ARPC5L: variants seen among roughly 807,000 people sequenced by gnomAD.
ARPC5L encodes actin-related protein 2/3 complex subunit 5-like protein.
Under a neutral mutation model 16.9 loss-of-function variants are expected in ARPC5L, and 4 were observed. The ratio of observed to expected loss-of-function variants is 0.24; its 90% CI spans 0.12 to 0.54. The LOEUF is 0.54. Among genes scored for constraint, ARPC5L ranks in the 20% least tolerant of loss-of-function variants. ARPC5L has a pLI of 0.95. For synonymous variants in ARPC5L, 78 were observed against 82.6 expected, an observed-to-expected ratio of 0.94 and a Z score of 0.30; for missense variants, 151 against 201.9, an observed-to-expected ratio of 0.75 and a Z score of 1.53.
chr9:124,876,265 T>C (rs1829432657), intron 5 of ARPC5L, among the ~76,000 whole-genome samples: 1 of 152,108 alleles, frequency 6.6e-6, no homozygotes, highest in Non-Finnish European at 1.5e-5. Flanking sequence ...GGCAGGCGGA[T>C]GACCTGAGGT....
rs115696113 is a variant in ARPC5L, at chr9:124,873,462, C to T, written c.150-230C>T. 1,241 of 575,714 alleles carry T rather than the reference C, an allele frequency of 2.2e-3. 12 individuals are homozygous for T. Among genetic ancestry groups the T allele is most frequent in the African/African-American group, 0.021 (1,104 of 53,402 alleles). The allele number at this position is 575,714 out of a possible 1,614,324, so 35.7% of individuals were successfully genotyped here. A position where few individuals can be genotyped will look rare whatever the true frequency, so the allele number is the denominator to read the frequency against. On this transcript the variant is annotated intron_variant, in intron 3 of 5. Coordinates refer to ENST00000353214, the MANE Select transcript of ARPC5L (RefSeq NM_030978.3). ...TACCCCTCCAGGACAGTTGCTTTGA[C>T]GTGGAAGGTAGAGAGGGAGTTGAAA...
At chr9:124,872,150 G>T (rs1999589) in intron 3 of ARPC5L, among the ~76,000 whole-genome samples, 84,727 of 151,960 alleles carry the variant, frequency 0.56, 24,043 homozygotes, top group South Asian at 0.58. Context: ...TTTTGCCCCC[G>T]TGGACTAGTT....
intron 3 of ARPC5L, 52 bp from the exon 4 acceptor site, chr9:124,873,640 T>C: frequency 6.2e-7 from 1 of 1,601,486 alleles, no homozygotes; most frequent in Non-Finnish European, 8.6e-7. Flanking sequence ...AGCTTGTTCA[T>C]GACGGCATGG....
chr9:124,864,803 G>A (rs1017714204), intron 2 of ARPC5L, among the ~76,000 whole-genome samples: 11 of 150,926 alleles, frequency 7.3e-5, no homozygotes, highest in East Asian at 2.0e-4. Flanking sequence ...GGCGCAGTGC[G>A]CCTGGACCTT....
chr9:124,865,616 C>A (rs552481807), intron 2 of ARPC5L, among the ~76,000 whole-genome samples: 67 of 151,188 alleles, frequency 4.4e-4, no homozygotes, highest in African/African-American at 1.6e-3. Flanking sequence ...ATGGTGAAAC[C>A]GTGTCTCTAC....
chr9:124,869,205 G>GC lies in ARPC5L; in HGVS notation c.-81dup, dbSNP rs1829316663. 2.3e-6 allele frequency: 3 copies of GC among 1,329,574 alleles called. No individual in the cohort carries two copies. Among genetic ancestry groups the GC allele is most frequent in the Non-Finnish European group, 2.9e-6 (3 of 1,032,022 alleles). The allele number at this position is 1,329,574 out of a possible 1,614,324, so 82.4% of individuals were successfully genotyped here. A position where few individuals can be genotyped will look rare whatever the true frequency, so the allele number is the denominator to read the frequency against. On this transcript the variant is annotated 5_prime_UTR_variant, in exon 3 of 6. Transcript: ENST00000353214. Reference sequence around the variant, plus strand: ...GGGAGCAGCCGGGCAGCCGCTTCCCGCCCCCGAGCAGGAGCCGGTGCGAGC... The same window carrying GC: ...GGGAGCAGCCGGGCAGCCGCTTCCCGCCCCCCGAGCAGGAGCCGGTGCGAGC...
In ARPC5L at chr9:124,862,159, C is replaced by T; in HGVS notation, c.-1223C>T. 1 of 470,172 alleles carries T rather than the reference C, an allele frequency of 2.1e-6. No individual in the cohort carries two copies. The highest frequency in any genetic ancestry group is 3.9e-5 in the South Asian group (1 of 25,688). The allele number at this position is 470,172 out of a possible 1,614,324, so 29.1% of individuals were successfully genotyped here. Reference sequence around the variant, plus strand: ...ACGGCACCCCTGATAGCGAGGTCGGCGTCACGGTGTAGGCGCGCAGTTGGG... The same window carrying T: ...ACGGCACCCCTGATAGCGAGGTCGGTGTCACGGTGTAGGCGCGCAGTTGGG... On this transcript the variant is annotated 5_prime_UTR_variant, in exon 1 of 6. Coordinates refer to ENST00000353214, the MANE Select transcript of ARPC5L (RefSeq NM_030978.3).
intron 2 of ARPC5L, among the ~76,000 whole-genome samples, chr9:124,866,951 C>T (rs1191367138): frequency 1.3e-5 from 2 of 152,116 alleles, no homozygotes; most frequent in Non-Finnish European, 2.9e-5. Context: ...AGGGCTGTCC[C>T]ATTTGAATTA....
At chr9:124,865,662 G>T (rs1023425751) in intron 2 of ARPC5L, among the ~76,000 whole-genome samples, 1 of 151,472 alleles carries the variant, frequency 6.6e-6, no homozygotes, top group African/African-American at 2.4e-5. Context: ...GCATGGTGGC[G>T]GGTGCCTATA....
At chr9:124,863,391 C>T (rs1829230814) in intron 1 of ARPC5L, among the ~76,000 whole-genome samples, 1 of 152,182 alleles carries the variant, frequency 6.6e-6, no homozygotes, top group Non-Finnish European at 1.5e-5. Context: ...AAGTGATCCA[C>T]CCGCCTCAGC....
Position 124,877,191 on chromosome 9 carries a change from G to A in ARPC5L, c.*251G>A, listed in dbSNP as rs139065613. On this transcript the variant is annotated 3_prime_UTR_variant, in exon 6 of 6. Coordinates refer to ENST00000353214, the MANE Select transcript of ARPC5L (RefSeq NM_030978.3). ...ACTGACATTTTGACGGTCTACCAGC[G>A]TGGCGGCTGGTGTTGGTCAGATGCA... The A allele has an allele frequency of 2.5e-5, 11 of 446,180 alleles. No individual in the cohort carries two copies. The highest frequency in any genetic ancestry group is 1.4e-4 in the East Asian group (3 of 21,552). 27.6% of individuals were successfully genotyped at this position (446,180 alleles called of 1,614,324 possible).
At chr9:124,866,237 C>G (rs996904585) in intron 2 of ARPC5L, among the ~76,000 whole-genome samples, 27 of 151,562 alleles carry the variant, frequency 1.8e-4, no homozygotes, top group African/African-American at 6.1e-4. Flanking sequence ...AACCCTGTCT[C>G]TACTAAAAAT....
At chr9:124,875,861 G>GA (rs1433670095) in intron 5 of ARPC5L, among the ~76,000 whole-genome samples, 1 of 152,240 alleles carries the variant, frequency 6.6e-6, no homozygotes, top group East Asian at 1.9e-4. Flanking sequence ...TGAGTTGGAA[G>GA]AGAGGGGTTT....
chr9:124,869,260 G>A lies in ARPC5L; in HGVS notation c.-31G>A, dbSNP rs1199493327. 1 of 1,500,236 alleles carries A rather than the reference G, an allele frequency of 6.7e-7. No homozygotes were observed. Among genetic ancestry groups the A allele is most frequent in the Admixed American group, 2.2e-5 (1 of 45,104 alleles). The allele number at this position is 1,500,236 out of a possible 1,614,324, so 92.9% of individuals were successfully genotyped here. The stretch of plus-strand genomic sequence containing the variant: ...CAGAGCCGAGGTCGGGCCGCGAGCG[G>A]AGCCGGCTGAGCGGGCGCCGAGCTC... On this transcript the variant is annotated 5_prime_UTR_variant, in exon 3 of 6. Transcript: ENST00000353214.
At position 124,868,910 on chromosome 9, in the gene ARPC5L, A is replaced by C. The variant is rs2131332531; in HGVS notation, c.-381A>C. 1.1e-5 allele frequency: 2 copies of C among 175,138 alleles called. No homozygotes were observed. Among genetic ancestry groups the C allele is most frequent in the Admixed American group, 6.3e-5 (1 of 15,954 alleles). The allele number at this position is 175,138 out of a possible 1,614,324, so 10.8% of individuals were successfully genotyped here. A position where few individuals can be genotyped will look rare whatever the true frequency, so the allele number is the denominator to read the frequency against. ...GCACGCGCCCGGCCCCGCTGAGGCC[A>C]GGGGCTCCTCGGAGGCGCGGGAAAG... On this transcript the variant is annotated 5_prime_UTR_variant, in exon 3 of 6. Transcript: ENST00000353214.
chr9:124,870,342 C>CT (rs1490139900), intron 3 of ARPC5L, among the ~76,000 whole-genome samples: 1 of 152,194 alleles, frequency 6.6e-6, no homozygotes, highest in Non-Finnish European at 1.5e-5. Flanking sequence ...GCGCAGGAAA[C>CT]TGACTTATTC....
chr9:124,869,279 C>T lies in ARPC5L; in HGVS notation c.-12C>T. The stretch of plus-strand genomic sequence containing the variant: ...CGAGCGGAGCCGGCTGAGCGGGCGC[C>T]GAGCTCCCGCCATGGCCCGGAACAC... On this transcript the variant is annotated 5_prime_UTR_variant, in exon 3 of 6. Coordinates refer to ENST00000353214, the MANE Select transcript of ARPC5L (RefSeq NM_030978.3). 6.6e-7 allele frequency: 1 copy of T among 1,514,896 alleles called. No individual in the cohort carries two copies. Among genetic ancestry groups the T allele is most frequent in the Non-Finnish European group, 8.8e-7 (1 of 1,132,254 alleles). The allele number at this position is 1,514,896 out of a possible 1,614,324, so 93.8% of individuals were successfully genotyped here.
chr9:124,875,515 A>C (rs1483114781), intron 5 of ARPC5L, among the ~76,000 whole-genome samples: 1 of 152,164 alleles, frequency 6.6e-6, no homozygotes, highest in African/African-American at 2.4e-5. Context: ...GCAGTGGTGG[A>C]GGCAGCTGTT....
chr9:124,871,352 G>A (rs774082318), intron 3 of ARPC5L, among the ~76,000 whole-genome samples: 2 of 152,180 alleles, frequency 1.3e-5, no homozygotes, highest in Non-Finnish European at 2.9e-5. Context: ...GTTACGTGGC[G>A]GACAGCCATG....
Sources: allele counts gnomAD v4.1 joint callset (sites outside exome capture counted in the v4.1 genomes callset), GRCh38; gene constraint gnomAD v4.1.1; transcripts MANE v1.5; gene names NCBI Gene and HGNC (gene_info 2026-07-23, HGNC 2026-07-21).